Variants in RCAN2 observed in about 807,000 individuals in gnomAD.
RCAN2 encodes the protein regulator of calcineurin 2, also known as calcipressin-2.
A neutral mutation model predicts 23.6 loss-of-function variants in RCAN2; 9 were observed. The ratio of observed to expected loss-of-function variants is 0.38; its 90% CI spans 0.23 to 0.67. RCAN2 has a LOEUF of 0.67. Among genes scored for constraint, RCAN2 ranks in the 30% least tolerant of loss-of-function variants. The probability of loss-of-function intolerance (pLI) is 0.51; values close to 1 mark genes in which losing one functional copy is unlikely to be tolerated. For synonymous variants in RCAN2, 109 were observed against 115.7 expected (o/e 0.94, Z 0.37); for missense variants, 273 against 302.3 (o/e 0.90, Z 0.72).
At chr6:46,330,370 C>T (rs1022630921) in intron 2 of RCAN2, among the ~76,000 whole-genome samples, 4 of 152,196 alleles carry the variant, frequency 2.6e-5, no homozygotes, top group African/African-American at 9.7e-5. Context: ...AACCACAGCT[C>T]CACGTCTTCA....
At chr6:46,261,333 G>A (rs1358969269) in intron 2 of RCAN2, among the ~76,000 whole-genome samples, 1 of 152,200 alleles carries the variant, frequency 6.6e-6, no homozygotes, top group East Asian at 1.9e-4. Context: ...GCTGGTCCCA[G>A]CTGTGCAACC....
intron 2 of RCAN2, among the ~76,000 whole-genome samples, chr6:46,299,879 A>G (rs1762849208): frequency 6.6e-6 from 1 of 151,974 alleles, no homozygotes; most frequent in African/African-American, 2.4e-5. Context: ...TAAAATATAT[A>G]TACATAGGGA....
rs140249944 is a variant in RCAN2, at chr6:46,348,734, G to T, written c.226-99838C>A. ...TACCTCGGCATGTTATATTGAGAAA[G>T]ATTCTAAGGCCATTTCCAGACCTCT... On this transcript the variant is annotated intron_variant, in intron 2 of 4. Coordinates refer to ENST00000371374, the MANE Select transcript of RCAN2 (RefSeq NM_001251974.2). Among the ~76,000 whole-genome samples, 241 of 152,296 alleles carry T rather than the reference G, an allele frequency of 1.6e-3. 1 individual carries two copies. Among genetic ancestry groups the T allele is most frequent in the African/African-American group, 5.5e-3 (228 of 41,572 alleles).
chr6:46,247,472 T>G (rs1766560780), intron 3 of RCAN2, among the ~76,000 whole-genome samples: 1 of 152,222 alleles, frequency 6.6e-6, no homozygotes, highest in South Asian at 2.1e-4. Context: ...CTCTGCCTAT[T>G]GCTACCAGTA....
intron 2 of RCAN2, chr6:46,325,636 G>A (rs563176794): frequency 3.5e-6 from 5 of 1,425,694 alleles, no homozygotes; most frequent in Admixed American, 5.8e-5. Context: ...CCCACTGCAC[G>A]CAGCCCTCCG....
Position 46,308,323 on chromosome 6 carries a change from A to G in RCAN2, c.226-59427T>C, listed in dbSNP as rs183812995. ...ATGTTAGACATTATTATTATAGTCA[A>G]ATATGAACTTTTGACATTTAATTAT... On this transcript the variant is annotated intron_variant, in intron 2 of 4. Transcript: ENST00000371374. Among the ~76,000 whole-genome samples, 247 of 152,328 alleles carry G rather than the reference A, an allele frequency of 1.6e-3. 1 individual carries two copies. Among genetic ancestry groups the G allele is most frequent in the Non-Finnish European group, 8.8e-4 (60 of 68,026 alleles).
At chr6:46,233,171 T>C (rs1276420878) in intron 4 of RCAN2, among the ~76,000 whole-genome samples, 1 of 152,224 alleles carries the variant, frequency 6.6e-6, no homozygotes. Flanking sequence ...CTCATTGTTG[T>C]TCAGGAGAGA....
chr6:46,329,034 T>A (rs1336345439), intron 2 of RCAN2, among the ~76,000 whole-genome samples: 2 of 152,070 alleles, frequency 1.3e-5, no homozygotes, highest in East Asian at 3.9e-4. Context: ...TCCCACTTCA[T>A]CTCATATCAT....
chr6:46,453,177 C>T (rs1043585600), intron 2 of RCAN2, among the ~76,000 whole-genome samples: 2 of 152,212 alleles, frequency 1.3e-5, no homozygotes, highest in Non-Finnish European at 2.9e-5. Context: ...CAGGGGAGTG[C>T]TCTGAAGAGA....
At chr6:46,303,437 A>G (rs1468444054) in intron 2 of RCAN2, among the ~76,000 whole-genome samples, 1 of 152,052 alleles carries the variant, frequency 6.6e-6, no homozygotes, top group Non-Finnish European at 1.5e-5. Flanking sequence ...GCCTAATGTA[A>G]TAATTTCCAA....
At chr6:46,283,590 C>T (rs1762272069) in intron 2 of RCAN2, among the ~76,000 whole-genome samples, 1 of 152,200 alleles carries the variant, frequency 6.6e-6, no homozygotes, top group Non-Finnish European at 1.5e-5. Flanking sequence ...TGACTTCCCT[C>T]CCTAGGTATC....
chr6:46,468,437 G>C (rs1440126806), intron 1 of RCAN2, among the ~76,000 whole-genome samples: 1 of 152,044 alleles, frequency 6.6e-6, no homozygotes, highest in Non-Finnish European at 1.5e-5. Context: ...CCCTGTCAGG[G>C]CTTACCAGAG....
At chr6:46,396,914 C>A (rs1766106963) in intron 2 of RCAN2, among the ~76,000 whole-genome samples, 2 of 151,984 alleles carry the variant, frequency 1.3e-5, no homozygotes, top group African/African-American at 4.8e-5. Flanking sequence ...AGTTCGAGAC[C>A]AGCCTGACCA....
At chr6:46,471,745 G>A in intron 1 of RCAN2, among the ~76,000 whole-genome samples, 1 of 152,180 alleles carries the variant, frequency 6.6e-6, no homozygotes, top group East Asian at 1.9e-4. Context: ...TCTAAGGCCT[G>A]AGCCCTGAAA....
intron 2 of RCAN2, among the ~76,000 whole-genome samples, chr6:46,456,275 C>T (rs1768027073): frequency 6.6e-6 from 1 of 152,188 alleles, no homozygotes; most frequent in African/African-American, 2.4e-5. Context: ...ACCAACTTAC[C>T]TTCTCTAATA....
chr6:46,472,872 G>T (rs1239078816), intron 1 of RCAN2, among the ~76,000 whole-genome samples: 1 of 152,256 alleles, frequency 6.6e-6, no homozygotes, highest in African/African-American at 2.4e-5. Flanking sequence ...AGGAACACTG[G>T]AACTTTTTCT....
rs1203805778 is a variant in RCAN2 at position 46,343,820 on chromosome 6, T to C, written c.226-94924A>G. Among the ~76,000 whole-genome samples, 5 of 152,204 alleles carry C rather than the reference T, an allele frequency of 3.3e-5. No homozygotes were observed. The East Asian group carries it at 5.8e-4, about 18-fold the overall frequency. ...TTTTTAAATGTTTATAGCAGCATTATTATAATGGCCAAAAAATGAAAATAA... is the reference window on the plus strand; with the variant it reads ...TTTTTAAATGTTTATAGCAGCATTACTATAATGGCCAAAAAATGAAAATAA... On this transcript the variant is annotated intron_variant, in intron 2 of 4. Coordinates refer to ENST00000371374, the MANE Select transcript of RCAN2 (RefSeq NM_001251974.2).
intron 2 of RCAN2, among the ~76,000 whole-genome samples, chr6:46,297,405 C>T (rs895596633): frequency 6.6e-6 from 1 of 152,092 alleles, no homozygotes; most frequent in African/African-American, 2.4e-5. Context: ...TACCACCAAG[C>T]TTTTCCTGAA....
chr6:46,294,594 T>G (rs1392229895), intron 2 of RCAN2, among the ~76,000 whole-genome samples: 1 of 152,080 alleles, frequency 6.6e-6, no homozygotes, highest in African/African-American at 2.4e-5. Flanking sequence ...TTCTAGACTA[T>G]AGTGTGGTCA....
Sources: allele counts gnomAD v4.1 joint callset (sites outside exome capture counted in the v4.1 genomes callset), GRCh38; gene constraint gnomAD v4.1.1; transcripts MANE v1.5; gene names NCBI Gene and HGNC (gene_info 2026-07-23, HGNC 2026-07-21).